Variants in BMP2K observed in about 807,000 individuals in gnomAD.
BMP2K encodes BMP-2-inducible protein kinase.
A neutral mutation model predicts 116.0 loss-of-function variants in BMP2K; 74 were observed. That is an observed-to-expected ratio of 0.64 (90% confidence interval 0.53 to 0.77). The LOEUF is 0.77. Ranked by LOEUF, BMP2K falls within the 30% of genes least tolerant of loss-of-function variation. The probability of loss-of-function intolerance (pLI) is 0.00; values close to 1 mark genes in which losing one functional copy is unlikely to be tolerated. For synonymous variants in BMP2K, 486 were observed against 502.5 expected, an observed-to-expected ratio of 0.97 and a Z score of 0.44; for missense variants, 1,365 against 1,403.6, an observed-to-expected ratio of 0.97 and a Z score of 0.44.
chr4:78,805,267 A>G (rs1396678688), intron 1 of BMP2K, among the ~76,000 whole-genome samples: 10 of 152,198 alleles, frequency 6.6e-5, no homozygotes, highest in African/African-American at 1.9e-4. Context: ...TCCATGATCT[A>G]CATAAGTGTT....
intron 1 of BMP2K, among the ~76,000 whole-genome samples, chr4:78,789,959 C>A (rs1727919598): frequency 6.6e-6 from 1 of 152,054 alleles, no homozygotes; most frequent in East Asian, 1.9e-4. Context: ...ATATCGGATC[C>A]CTATTTGCAT....
At chr4:78,818,693 G>C (rs1176337822) in intron 1 of BMP2K, among the ~76,000 whole-genome samples, 1 of 151,642 alleles carries the variant, frequency 6.6e-6, no homozygotes, top group Admixed American at 6.6e-5. Context: ...GAATTTTACT[G>C]TGTTTATATT....
intron 1 of BMP2K, among the ~76,000 whole-genome samples, chr4:78,803,022 G>A (rs531463326): frequency 1.3e-5 from 2 of 151,874 alleles, no homozygotes; most frequent in South Asian, 4.2e-4. Flanking sequence ...GCTAATTTTT[G>A]TATTTTTAGT....
chr4:78,903,491 T>G (rs1734122602), intron 15 of BMP2K, among the ~76,000 whole-genome samples: 1 of 151,998 alleles, frequency 6.6e-6, no homozygotes, highest in South Asian at 2.1e-4. Context: ...CCCCACCCAA[T>G]ATTTAGTGAA....
At chr4:78,809,228 A>G (rs78645101) in intron 1 of BMP2K, among the ~76,000 whole-genome samples, 2 of 151,848 alleles carry the variant, frequency 1.3e-5, no homozygotes, top group African/African-American at 4.8e-5. Flanking sequence ...CTTTAGTCAC[A>G]ATTTTTGTCT....
intron 1 of BMP2K, among the ~76,000 whole-genome samples, chr4:78,794,367 C>A (rs1025868448): frequency 6.6e-6 from 1 of 152,068 alleles, no homozygotes; most frequent in African/African-American, 2.4e-5. Context: ...GACCCGAGAA[C>A]CTCAGAATCA....
chr4:78,854,031 A>G (rs1300595077), intron 7 of BMP2K, among the ~76,000 whole-genome samples: 1 of 152,042 alleles, frequency 6.6e-6, no homozygotes, highest in Non-Finnish European at 1.5e-5. Flanking sequence ...TTATGGGTTA[A>G]TGGTGGATCT....
chr4:78,785,573 T>G (rs1167506885), intron 1 of BMP2K, among the ~76,000 whole-genome samples: 1 of 152,192 alleles, frequency 6.6e-6, no homozygotes, highest in African/African-American at 2.4e-5. Context: ...TTTACTATCT[T>G]GATTGTGTTC....
Position 78,833,520 on chromosome 4 carries a change from A to G in BMP2K, c.298-62A>G, listed in dbSNP as rs571834047. 4 of 1,107,604 alleles carry G rather than the reference A, an allele frequency of 3.6e-6. No homozygotes were observed. In the African/African-American group the frequency reaches 4.8e-5, roughly 13 times the overall value. The allele number at this position is 1,107,604 out of a possible 1,614,324, so 68.6% of individuals were successfully genotyped here. A position where few individuals can be genotyped will look rare whatever the true frequency, so the allele number is the denominator to read the frequency against. On this transcript the variant is annotated intron_variant, in intron 2 of 15. Transcript: ENST00000502613. ...TTTACATTAATTTAGGCTTCAAACCATTACTAATTCTATACCTTTAAATGT... is the reference window on the plus strand; with the variant it reads ...TTTACATTAATTTAGGCTTCAAACCGTTACTAATTCTATACCTTTAAATGT...
chr4:78,782,740 A>C (rs1035802497), intron 1 of BMP2K, among the ~76,000 whole-genome samples: 4 of 152,216 alleles, frequency 2.6e-5, no homozygotes, highest in Non-Finnish European at 5.9e-5. Context: ...AGTTTTTAAA[A>C]AAGTATGTTA....
chr4:78,783,797 C>T lies in BMP2K; in HGVS notation c.178+7076C>T, dbSNP rs143321160. Among the ~76,000 whole-genome samples, 713 of 151,886 alleles carry T rather than the reference C, an allele frequency of 4.7e-3. 1 individual carries two copies. Among genetic ancestry groups the T allele is most frequent in the Admixed American group, 0.013 (202 of 15,256 alleles). Reference sequence around the variant, plus strand: ...CTCCAGCCTGGGTGACACAGCAAGACGCTGTCTCAAAATAAATAAATAAAT... The same window carrying T: ...CTCCAGCCTGGGTGACACAGCAAGATGCTGTCTCAAAATAAATAAATAAAT... On this transcript the variant is annotated intron_variant, in intron 1 of 15. Transcript: ENST00000502613.
chr4:78,830,993 TA>T (rs1331259782), intron 2 of BMP2K, among the ~76,000 whole-genome samples: 1 of 152,254 alleles, frequency 6.6e-6, no homozygotes, highest in Non-Finnish European at 1.5e-5. Flanking sequence ...ACTGGTGTAA[TA>T]AAAGGCTTAG....
intron 15 of BMP2K, among the ~76,000 whole-genome samples, chr4:78,890,404 G>A (rs984630312): frequency 9.5e-5 from 14 of 148,078 alleles, no homozygotes; most frequent in Admixed American, 2.0e-4. Context: ...ACAATCATGC[G>A]CACACACACA....
In BMP2K at chr4:78,870,809, G is replaced by A. The variant is rs1245387246; in HGVS notation, c.1258G>A (p.Glu420Lys). ...KGALRPGNGP[E>K]ILLGQGPPQQ... ...GGCACTAAGACCTGGAAATGGCCCT[G>A]AAATTTTATTGGGTCAGGGACCTCC... Residue 420 changes from glutamate (E) to lysine (K), a missense_variant, in exon 11 of 16, where the codon GAA becomes AAA. Physicochemically the swap from Glu to Lys is moderately conservative, Grantham distance 56 (BLOSUM62 1). Coordinates refer to ENST00000502613, the MANE Select transcript of BMP2K (RefSeq NM_198892.2). The A allele has an allele frequency of 1.2e-6, 2 of 1,613,870 alleles. No individual in the cohort carries two copies. The highest frequency in any genetic ancestry group is 1.7e-6 in the Non-Finnish European group (2 of 1,179,910).
In BMP2K at chr4:78,870,492, G is replaced by C. The variant is rs576754782; in HGVS notation, c.1232-291G>C. 4.6e-5 allele frequency among the ~76,000 whole-genome samples: 7 copies of C among 152,320 alleles called. No homozygotes were observed. In the South Asian group the frequency reaches 1.4e-3, roughly 32 times the overall value. On this transcript the variant is annotated intron_variant, in intron 10 of 15. Transcript: ENST00000502613. ...TCATGATAGTACATGATATTGTTGA[G>C]CAGTGTAGAACAAACTAACATGGAT...
chr4:78,847,517 T>C (rs1731065992), intron 6 of BMP2K, among the ~76,000 whole-genome samples: 1 of 143,922 alleles, frequency 6.9e-6, no homozygotes, highest in East Asian at 1.9e-4. Context: ...AACTACAGTA[T>C]TTTTTGAGGA....
In BMP2K at chr4:78,913,017, G is replaced by A. The variant is rs570365230; in HGVS notation, c.*984G>A. 20 of 152,234 alleles carry A rather than the reference G, an allele frequency of 1.3e-4. No homozygotes were observed. The East Asian group carries it at 2.5e-3, about 19-fold the overall frequency. 9.4% of individuals were successfully genotyped at this position (152,234 alleles called of 1,614,324 possible). A position where few individuals can be genotyped will look rare whatever the true frequency, so the allele number is the denominator to read the frequency against. On this transcript the variant is annotated 3_prime_UTR_variant, in exon 16 of 16. Transcript: ENST00000502613. Reference sequence around the variant, plus strand: ...TTATTTTATGAAGAAAATATGTAGCGGAAACTGAATTTTCAAGACATTTAC... The same window carrying A: ...TTATTTTATGAAGAAAATATGTAGCAGAAACTGAATTTTCAAGACATTTAC...
intron 1 of BMP2K, among the ~76,000 whole-genome samples, chr4:78,803,446 A>G (rs1253561865): frequency 6.6e-6 from 1 of 152,110 alleles, no homozygotes; most frequent in African/African-American, 2.4e-5. Context: ...CCCAGGATGT[A>G]GTGCAGTGGT....
chr4:78,788,915 T>A (rs533215401), intron 1 of BMP2K, among the ~76,000 whole-genome samples: 118 of 150,892 alleles, frequency 7.8e-4, no homozygotes, highest in Middle Eastern at 6.9e-3. Context: ...TTTTTTTTTT[T>A]AAATACACTA....
Sources: gnomAD v4.1 joint callset for allele counts (sites outside exome capture counted in the v4.1 genomes callset) on GRCh38, gnomAD v4.1.1 for gene constraint, MANE v1.5 for transcripts, NCBI Gene and HGNC (gene_info 2026-07-23, HGNC 2026-07-21) for gene names.